The following VANGL1 variants were observed in gnomAD, a reference collection of about 807,000 sequenced individuals.
VANGL1 encodes vang-like protein 1.
A neutral mutation model predicts 48.4 loss-of-function variants in VANGL1; 18 were observed. The observed-to-expected ratio is 0.37, with a 90% CI of 0.26 to 0.55. The LOEUF (loss-of-function observed/expected upper bound fraction) is 0.55, where lower values mean the gene tolerates loss of function less well. Ranked by LOEUF, VANGL1 falls within the 20% of genes least tolerant of loss-of-function variation. The probability of loss-of-function intolerance (pLI) is 0.81; values close to 1 mark genes in which losing one functional copy is unlikely to be tolerated. For missense variants in VANGL1, 667 were observed against 675.8 expected (o/e 0.99, Z 0.14); for synonymous variants, 257 against 261.8 (o/e 0.98, Z 0.18).
chr1:115,658,273 G>C (rs533524088), intron 2 of VANGL1, among the ~76,000 whole-genome samples: 1 of 152,186 alleles, frequency 6.6e-6, no homozygotes, highest in Non-Finnish European at 1.5e-5. Context: ...CTTAAGCTAA[G>C]TAGTAGGTTA....
In VANGL1 at chr1:115,650,881, C is replaced by T. The variant is rs191371191; in HGVS notation, c.-137-396C>T. Among the ~76,000 whole-genome samples the T allele has an allele frequency of 4.3e-3, 654 of 150,912 alleles. 3 individuals carry two copies. The highest frequency in any genetic ancestry group is 6.5e-3 in the Non-Finnish European group (438 of 67,826). ...TGACTTTTGGAAATTATGACCAAAT[C>T]CCTTAAAAGCAACTTCGCTGGGTAT... is the stretch of plus-strand genomic sequence containing the variant. On this transcript the variant is annotated intron_variant, in intron 1 of 7. Coordinates refer to ENST00000355485, the MANE Select transcript of VANGL1 (RefSeq NM_138959.3).
At chr1:115,688,220 C>G (rs1433433838) in intron 7 of VANGL1, among the ~76,000 whole-genome samples, 1 of 137,944 alleles carries the variant, frequency 7.2e-6, no homozygotes, top group Non-Finnish European at 1.6e-5. Context: ...CTTACTCATA[C>G]AGATATAACT....
rs575493003 is a variant in VANGL1, at chr1:115,651,464, G to A, written c.51G>A (p.Ser17=). Residue 17 remains serine, a synonymous_variant, in exon 2 of 8, where the codon TCG becomes TCA. Transcript: ENST00000355485. ...GATATTCTTACTATTCAAGTCATTC[G>A]AAAAAATCTCACAGACAAGGGTATG... ...YSGYSYYSSH[S]KKSHRQGERT... The A allele has an allele frequency of 5.6e-5, 90 of 1,613,936 alleles. No individual in the cohort carries two copies. The highest frequency in any genetic ancestry group is 5.4e-4 in the South Asian group (49 of 91,074).
At chr1:115,681,500 G>GTTTT (rs1267113664) in intron 4 of VANGL1, among the ~76,000 whole-genome samples, 20 of 96,346 alleles carry the variant, frequency 2.1e-4, no homozygotes, top group African/African-American at 5.0e-4. Context: ...TCTTTTTTTT[G>GTTTT]TTGTTTTTTT....
At chr1:115,686,917 T>G (rs1448515368) in intron 7 of VANGL1, among the ~76,000 whole-genome samples, 3 of 84,918 alleles carry the variant, frequency 3.5e-5, no homozygotes, top group African/African-American at 1.4e-4. Flanking sequence ...TGTGTAAGAA[T>G]TACATTGAAT....
intron 3 of VANGL1, among the ~76,000 whole-genome samples, chr1:115,662,222 GT>G (rs59813949): frequency 0.43 from 65,505 of 151,982 alleles, 14,718 homozygotes; most frequent in South Asian, 0.72. Flanking sequence ...ATAAATCATG[GT>G]TTTTTTGGTC....
intron 5 of VANGL1, among the ~76,000 whole-genome samples, chr1:115,683,183 G>A (rs1653456839): frequency 6.6e-6 from 1 of 152,104 alleles, no homozygotes; most frequent in African/African-American, 2.4e-5. Flanking sequence ...TATATGAGGT[G>A]TGAGCTCCCT....
intron 3 of VANGL1, among the ~76,000 whole-genome samples, chr1:115,660,557 C>A (rs548889987): frequency 6.6e-6 from 1 of 152,158 alleles, no homozygotes; most frequent in Admixed American, 6.5e-5. Context: ...TGTCTGGCAG[C>A]CCACCTGATT....
At chr1:115,669,726 T>C (rs1287279723) in intron 4 of VANGL1, among the ~76,000 whole-genome samples, 1 of 152,214 alleles carries the variant, frequency 6.6e-6, no homozygotes, top group African/African-American at 2.4e-5. Context: ...ATTAAACCTC[T>C]TTTTCTATAT....
At chr1:115,660,263 C>T (rs1353305670) in intron 3 of VANGL1, among the ~76,000 whole-genome samples, 1 of 152,148 alleles carries the variant, frequency 6.6e-6, no homozygotes, top group South Asian at 2.1e-4. Context: ...AATATATTAA[C>T]CTAGCTTTGG....
chr1:115,663,882 G>A lies in VANGL1; in HGVS notation c.426G>A (p.Leu142=), dbSNP rs1358679848. 6.2e-7 allele frequency: 1 copy of A among 1,614,208 alleles called. No individual in the cohort carries two copies. The highest frequency in any genetic ancestry group is 1.7e-5 in the Admixed American group (1 of 60,030). The change falls in exon 4 of 8, where the codon CTG becomes CTA. Residue 142 remains leucine, a synonymous_variant. Transcript: ENST00000355485. The part of the protein sequence containing the change: ...LLPPILWRDE[L]EPCGTICEGL... The stretch of plus-strand genomic sequence containing the variant: ...CTCCGATCCTGTGGAGGGATGAGCT[G>A]GAGCCTTGTGGCACAATTTGTGAGG...
chr1:115,680,438 G>C (rs1653343614), intron 4 of VANGL1, among the ~76,000 whole-genome samples: 1 of 152,196 alleles, frequency 6.6e-6, no homozygotes, highest in Admixed American at 6.5e-5. Context: ...AATGACGAGT[G>C]AACAACTGAG....
At chr1:115,682,565 G>T in intron 5 of VANGL1, 68 bp downstream of exon 5, 2 of 1,611,468 alleles carry the variant, frequency 1.2e-6, no homozygotes. Context: ...TAAGATTCAT[G>T]GTACGTTTGG....
At chr1:115,690,241 A>G (rs1408529303) in intron 7 of VANGL1, among the ~76,000 whole-genome samples, 1 of 152,250 alleles carries the variant, frequency 6.6e-6, no homozygotes, top group African/African-American at 2.4e-5. Context: ...GGGTCACACG[A>G]GAGTCAGTGA....
chr1:115,655,283 A>C (rs1003780873), intron 2 of VANGL1, among the ~76,000 whole-genome samples: 1 of 152,214 alleles, frequency 6.6e-6, no homozygotes, highest in African/African-American at 2.4e-5. Flanking sequence ...AACAGGACTA[A>C]ATAATCTTCC....
rs780511076 is a variant in VANGL1 at position 115,664,238 on chromosome 1, A to C, written c.782A>C (p.Glu261Ala). The change falls in exon 4 of 8, where the codon GAG (glutamate) becomes GCG (alanine). Residue 261 changes from glutamate (E) to alanine (A), a missense_variant. Physicochemically the swap from Glu to Ala is moderately radical, Grantham distance 107 (BLOSUM62 -1). Transcript: ENST00000355485. The part of the protein sequence containing the change: ...TLQVVRSTDG[E>A]SRFYSLGHLS... ...CAGGTGGTCCGCTCCACCGATGGCG[A>C]GTCCCGCTTCTACAGCCTGGGACAC... is the stretch of plus-strand genomic sequence containing the variant. The C allele has an allele frequency of 6.8e-6, 11 of 1,613,998 alleles. No homozygotes were observed. The highest frequency in any genetic ancestry group is 9.3e-6 in the Non-Finnish European group (11 of 1,180,022).
intron 1 of VANGL1, among the ~76,000 whole-genome samples, chr1:115,646,627 C>T (rs1325294462): frequency 2.0e-5 from 3 of 151,346 alleles, no homozygotes; most frequent in African/African-American, 7.3e-5. Flanking sequence ...AATCTATGGC[C>T]TCATGTCCTA....
chr1:115,680,478 A>G (rs926866970), intron 4 of VANGL1, among the ~76,000 whole-genome samples: 3 of 152,230 alleles, frequency 2.0e-5, no homozygotes, highest in African/African-American at 7.2e-5. Context: ...TTCAAAATGC[A>G]GATTTGCTGT....
intron 4 of VANGL1, among the ~76,000 whole-genome samples, chr1:115,676,624 A>C (rs974902829): frequency 3.3e-5 from 5 of 152,230 alleles, no homozygotes; most frequent in Non-Finnish European, 7.3e-5. Flanking sequence ...TGAACTCCCA[A>C]GTCTCCAGTA....
Sources: allele counts gnomAD v4.1 joint callset (sites outside exome capture counted in the v4.1 genomes callset), GRCh38; gene constraint gnomAD v4.1.1; transcripts MANE v1.5; gene names NCBI Gene and HGNC (gene_info 2026-07-23, HGNC 2026-07-21).